The following ZBBX variants were observed in gnomAD, a reference collection of about 807,000 sequenced individuals.
ZBBX encodes the protein zinc finger B-box domain-containing protein 1.
In ZBBX, 101 loss-of-function variants were observed where a neutral mutation model predicts 108.5. The observed-to-expected ratio is 0.93, with a 90% CI of 0.79 to 1.10. The LOEUF (loss-of-function observed/expected upper bound fraction) is 1.10. ZBBX is among the 50% of genes least tolerant of loss of function. ZBBX has a pLI of 0.00. For synonymous variants in ZBBX, 356 were observed against 323.4 expected, an observed-to-expected ratio of 1.10 and a Z score of -1.08; for missense variants, 1,009 against 941.4, an observed-to-expected ratio of 1.07 and a Z score of -0.94.
At chr3:167,262,266 T>C (rs2108425823) in intron 20 of ZBBX, among the ~76,000 whole-genome samples, 1 of 152,258 alleles carries the variant, frequency 6.6e-6, no homozygotes, top group South Asian at 2.1e-4. Flanking sequence ...GGTCTGTGGG[T>C]CCTCTCAGGA....
At chr3:167,181,221 G>T in the ZBBX span, among the ~76,000 whole-genome samples, 3 of 152,018 alleles carry the variant, frequency 2.0e-5, no homozygotes, top group Non-Finnish European at 4.4e-5. Context: ...TCATACCAAG[G>T]ACATACCCCA....
intron 1 of ZBBX, among the ~76,000 whole-genome samples, chr3:167,395,917 C>T (rs1486595881): frequency 1.3e-5 from 2 of 151,934 alleles, no homozygotes; most frequent in African/African-American, 4.8e-5. Flanking sequence ...GAACCTTCTC[C>T]CTCTAGCTTC....
chr3:167,242,549 A>C lies in ZBBX; in HGVS notation c.2349T>G (p.Leu783=). The part of the protein sequence containing the change: ...LNISQISTDF[L]KTSHVRGPCG... Reference sequence around the variant, plus strand: ...AGGGACCCCTCACATGTGAGGTCTTAAGGAAATCTGTGGAAATCTGACTTA... The same window carrying C: ...AGGGACCCCTCACATGTGAGGTCTTCAGGAAATCTGTGGAAATCTGACTTA... The change falls in exon 21 of 22, where the codon CTT becomes CTG. Residue 783 remains leucine, a synonymous_variant. Transcript: ENST00000675490. 6.2e-7 allele frequency: 1 copy of C among 1,613,504 alleles called. No individual in the cohort carries two copies. Among genetic ancestry groups the C allele is most frequent in the Non-Finnish European group, 8.5e-7 (1 of 1,179,726 alleles).
intron 20 of ZBBX, among the ~76,000 whole-genome samples, chr3:167,267,430 GA>G (rs1725729367): frequency 6.6e-6 from 1 of 152,136 alleles, no homozygotes; most frequent in African/African-American, 2.4e-5. Flanking sequence ...CCCAACATGG[GA>G]AATACCCCAA....
At chr3:167,204,085 T>C in the ZBBX span, among the ~76,000 whole-genome samples, 1 of 152,188 alleles carries the variant, frequency 6.6e-6, no homozygotes, top group African/African-American at 2.4e-5. Flanking sequence ...ATTTAAGTCC[T>C]TGTTCTATTG....
chr3:167,305,313 G>T (rs1373178185), intron 17 of ZBBX, among the ~76,000 whole-genome samples: 3 of 152,066 alleles, frequency 2.0e-5, no homozygotes, highest in African/African-American at 7.2e-5. Context: ...AAACTAGAAA[G>T]TATTTATTAT....
At chr3:167,265,940 C>T (rs1267559506) in intron 20 of ZBBX, among the ~76,000 whole-genome samples, 2 of 152,208 alleles carry the variant, frequency 1.3e-5, no homozygotes, top group Non-Finnish European at 2.9e-5. Context: ...GATTCTCTCT[C>T]CACACTCCAG....
intron 20 of ZBBX, among the ~76,000 whole-genome samples, chr3:167,263,521 G>A (rs1433082873): frequency 6.6e-6 from 1 of 152,038 alleles, no homozygotes; most frequent in Non-Finnish European, 1.5e-5. Context: ...ATTTACATGT[G>A]TTTTCCAAAA....
intron 20 of ZBBX, among the ~76,000 whole-genome samples, chr3:167,249,772 C>T (rs1415213038): frequency 6.6e-6 from 1 of 152,092 alleles, no homozygotes; most frequent in Non-Finnish European, 1.5e-5. Flanking sequence ...CTGTCAGCAG[C>T]GGAGAGATTT....
chr3:167,251,178 T>C (rs1278323229), intron 20 of ZBBX, among the ~76,000 whole-genome samples: 3 of 152,146 alleles, frequency 2.0e-5, no homozygotes, highest in African/African-American at 7.2e-5. Flanking sequence ...CCATCTCCCT[T>C]CTGGCTCCCC....
the ZBBX span, among the ~76,000 whole-genome samples, chr3:167,230,591 C>T: frequency 6.6e-6 from 1 of 151,700 alleles, no homozygotes; most frequent in East Asian, 2.0e-4. Context: ...GGGGAGAGTG[C>T]TAAAGAAGGG....
chr3:167,353,409 A>G (rs1294723717), intron 8 of ZBBX, among the ~76,000 whole-genome samples: 2 of 152,144 alleles, frequency 1.3e-5, no homozygotes, highest in African/African-American at 4.8e-5. Context: ...CAAATACTGC[A>G]TGTATTACTT....
chr3:167,365,182 C>T (rs965822965), intron 6 of ZBBX, among the ~76,000 whole-genome samples: 6 of 151,630 alleles, frequency 4.0e-5, no homozygotes, highest in East Asian at 1.9e-4. Flanking sequence ...ACTTTAGAAG[C>T]GCCAAGTAAG....
intron 12 of ZBBX, among the ~76,000 whole-genome samples, chr3:167,319,190 T>C (rs1735971511): frequency 6.6e-6 from 1 of 151,940 alleles, no homozygotes; most frequent in Admixed American, 6.6e-5. Flanking sequence ...TGCCAAAAAC[T>C]GGAAACCAGC....
At chr3:167,255,513 A>T (rs1158923814) in intron 20 of ZBBX, among the ~76,000 whole-genome samples, 1 of 152,126 alleles carries the variant, frequency 6.6e-6, no homozygotes, top group Non-Finnish European at 1.5e-5. Context: ...ATTCAGTATG[A>T]TCTAGATTAG....
chr3:167,275,396 C>T (rs956907614), intron 20 of ZBBX, among the ~76,000 whole-genome samples: 1 of 152,144 alleles, frequency 6.6e-6, no homozygotes, highest in African/African-American at 2.4e-5. Context: ...GAGTGCCAGA[C>T]AGTGGGCGCA....
chr3:167,300,192 A>C (rs1034087542), intron 17 of ZBBX, among the ~76,000 whole-genome samples: 32 of 152,182 alleles, frequency 2.1e-4, no homozygotes, highest in Non-Finnish European at 2.9e-5. Context: ...GCAATCCTGG[A>C]GTCAGAAACC....
the ZBBX span, among the ~76,000 whole-genome samples, chr3:167,198,653 C>A: frequency 6.6e-6 from 1 of 152,038 alleles, no homozygotes; most frequent in African/African-American, 2.4e-5. Context: ...GAAGAAAATA[C>A]TTATCAGATA....
rs200814732 is a variant in ZBBX at position 167,328,142 on chromosome 3, C to T, written c.688-26G>A. Reference sequence around the variant, plus strand: ...CTAATTAAAAGGATACATAGGCATGCTTTATTAAATTTTCTGTATTTACCC... The same window carrying T: ...CTAATTAAAAGGATACATAGGCATGTTTTATTAAATTTTCTGTATTTACCC... On this transcript the variant is annotated intron_variant, in intron 10 of 21. Coordinates refer to ENST00000675490, the MANE Select transcript of ZBBX (RefSeq NM_001199201.2). 1.7e-4 allele frequency: 261 copies of T among 1,570,630 alleles called. 1 individual carries two copies. The Middle Eastern group carries it at 4.1e-3, about 25-fold the overall frequency.
Sources: gnomAD v4.1 joint callset for allele counts (sites outside exome capture counted in the v4.1 genomes callset) on GRCh38, gnomAD v4.1.1 for gene constraint, MANE v1.5 for transcripts, NCBI Gene and HGNC (gene_info 2026-07-23, HGNC 2026-07-21) for gene names.